The following DAG1 variants were observed in gnomAD, a reference collection of about 807,000 sequenced individuals.
The protein encoded by DAG1 is dystroglycan 1.
In DAG1, 8 loss-of-function variants were observed where a neutral mutation model predicts 46.1. The observed-to-expected ratio is 0.17, with a 90% CI of 0.10 to 0.31. DAG1 has a LOEUF of 0.31. Ranked by LOEUF, DAG1 falls within the 10% of genes least tolerant of loss-of-function variation. The probability of loss-of-function intolerance (pLI) is 1.00; values close to 1 mark genes in which losing one functional copy is unlikely to be tolerated. For synonymous variants in DAG1, 495 were observed against 481.8 expected (o/e 1.03, Z -0.36); for missense variants, 1,003 against 1,189.9 (o/e 0.84, Z 2.31).
At chr3:49,529,017 A>T (rs898941615) in intron 2 of DAG1, among the ~76,000 whole-genome samples, 4 of 151,776 alleles carry the variant, frequency 2.6e-5, no homozygotes, top group Non-Finnish European at 4.4e-5. Context: ...CATCCGACTA[A>T]TTTTTGTACT....
intron 1 of DAG1, among the ~76,000 whole-genome samples, chr3:49,485,601 C>T (rs956007408): frequency 6.7e-6 from 1 of 150,248 alleles, no homozygotes; most frequent in African/African-American, 2.5e-5. Flanking sequence ...ATCTTTATGT[C>T]TACTTAGGTT....
chr3:49,471,004 C>T (rs2049504166), intron 1 of DAG1: 1 of 152,258 alleles, frequency 6.6e-6, no homozygotes, highest in Non-Finnish European at 1.5e-5. Context: ...AGTGTCTCCA[C>T]AGAAAATGTC....
intron 1 of DAG1, among the ~76,000 whole-genome samples, chr3:49,478,267 C>T: frequency 8.9e-6 from 1 of 111,946 alleles, no homozygotes; most frequent in African/African-American, 3.3e-5. Flanking sequence ...GAGTGAGACT[C>T]TGTCTCAAAA....
chr3:49,486,477 T>C (rs6414618), intron 1 of DAG1, among the ~76,000 whole-genome samples: 148,186 of 151,846 alleles, frequency 0.98, 72,418 homozygotes, highest in Middle Eastern at 1. Context: ...CTCAGTATCC[T>C]GAAGTGCTGG....
At chr3:49,511,501 GA>G (rs2050761030) in intron 2 of DAG1, among the ~76,000 whole-genome samples, 1 of 152,148 alleles carries the variant, frequency 6.6e-6, no homozygotes, top group African/African-American at 2.4e-5. Flanking sequence ...AGGTGGGTGG[GA>G]TGTACCCCTC....
At chr3:49,478,530 T>TG (rs1315013364) in intron 1 of DAG1, among the ~76,000 whole-genome samples, 1 of 122,672 alleles carries the variant, frequency 8.2e-6, no homozygotes, top group Non-Finnish European at 1.8e-5. Flanking sequence ...CCCAAGAGTT[T>TG]TTTTTTTTTT....
chr3:49,486,440 G>A (rs879627572), intron 1 of DAG1, among the ~76,000 whole-genome samples: 11 of 151,624 alleles, frequency 7.3e-5, no homozygotes, highest in Non-Finnish European at 1.5e-4. Flanking sequence ...GGATGGTCTC[G>A]ATCTCCTGAC....
At position 49,533,363 on chromosome 3, in the gene DAG1, C is replaced by A; in HGVS notation, c.*164C>A. 9.8e-7 allele frequency: 1 copy of A among 1,021,772 alleles called. No individual in the cohort carries two copies. Among genetic ancestry groups the A allele is most frequent in the Non-Finnish European group, 1.5e-6 (1 of 677,326 alleles). The allele number at this position is 1,021,772 out of a possible 1,614,324, so 63.3% of individuals were successfully genotyped here. On this transcript the variant is annotated 3_prime_UTR_variant, in exon 3 of 3. Coordinates refer to ENST00000308775, the MANE Select transcript of DAG1 (RefSeq NM_004393.6). ...GGACAAGCCCGCCCTCTCTGGTCCT[C>A]CCAAACCCCAAAGCAGCTGGAGAGA...
At chr3:49,507,869 A>G (rs780020956) in intron 1 of DAG1, among the ~76,000 whole-genome samples, 3 of 152,062 alleles carry the variant, frequency 2.0e-5, no homozygotes, top group Non-Finnish European at 4.4e-5. Context: ...TAGAAATTAT[A>G]TCATATTGGA....
chr3:49,522,545 T>A (rs2051061305), intron 2 of DAG1, among the ~76,000 whole-genome samples: 2 of 144,980 alleles, frequency 1.4e-5, no homozygotes, highest in African/African-American at 2.6e-5. Flanking sequence ...CCTCAAGTGA[T>A]CCTCCCGCCT....
intron 1 of DAG1, among the ~76,000 whole-genome samples, chr3:49,473,656 C>A (rs1043646117): frequency 4.6e-5 from 7 of 151,118 alleles, no homozygotes; most frequent in African/African-American, 1.7e-4. Context: ...GATCTTGGCT[C>A]ACTGCAACCT....
chr3:49,504,280 C>G (rs2050536864), intron 1 of DAG1, among the ~76,000 whole-genome samples: 1 of 149,058 alleles, frequency 6.7e-6, no homozygotes, highest in African/African-American at 2.5e-5. Context: ...TTTTTTTTCA[C>G]TTAGCAAGAT....
At chr3:49,510,102 TCTGA>T (rs1295358480) in intron 1 of DAG1, 14 of 331,072 alleles carry the variant, frequency 4.2e-5, no homozygotes, top group Admixed American at 4.0e-4. Flanking sequence ...ATTGAATGTA[TCTGA>T]CTGTATTCAA....
chr3:49,475,089 G>A (rs2049641487), intron 1 of DAG1, among the ~76,000 whole-genome samples: 1 of 151,774 alleles, frequency 6.6e-6, no homozygotes, highest in African/African-American at 2.4e-5. Context: ...TGGGATTACA[G>A]ACGTGAGCCA....
rs963231753 is a variant in DAG1 at position 49,488,862 on chromosome 3, C to A, written c.-117+18429C>A. On this transcript the variant is annotated intron_variant, in intron 1 of 2. Coordinates refer to ENST00000308775, the MANE Select transcript of DAG1 (RefSeq NM_004393.6). The stretch of plus-strand genomic sequence containing the variant: ...TATGATCTGCTTGCCAGGTGTGAGC[C>A]ACTGCGCCCGGCAAAAAAGGAACAG... 4.6e-5 allele frequency: 7 copies of A among 152,026 alleles called. No homozygotes were observed. In the East Asian group the frequency reaches 1.4e-3, roughly 29 times the overall value. 9.4% of individuals were successfully genotyped at this position (152,026 alleles called of 1,614,324 possible). A position where few individuals can be genotyped will look rare whatever the true frequency, so the allele number is the denominator to read the frequency against.
At chr3:49,479,747 C>T (rs1296069631) in intron 1 of DAG1, among the ~76,000 whole-genome samples, 1 of 143,794 alleles carries the variant, frequency 7.0e-6, no homozygotes, top group Non-Finnish European at 1.5e-5. Flanking sequence ...AATTGATTCT[C>T]CTGCCTCAGC....
intron 1 of DAG1, among the ~76,000 whole-genome samples, chr3:49,490,067 A>G (rs910305488): frequency 8.6e-5 from 13 of 151,802 alleles, no homozygotes; most frequent in Non-Finnish European, 1.6e-4. Flanking sequence ...GTTTTTTTCC[A>G]TTTTGGCTGG....
chr3:49,508,467 C>T (rs1354441512), intron 1 of DAG1, among the ~76,000 whole-genome samples: 1 of 152,084 alleles, frequency 6.6e-6, no homozygotes, highest in African/African-American at 2.4e-5. Context: ...GGTGCAGTCT[C>T]CGCTCACTGC....
chr3:49,509,226 A>C (rs1176265696), intron 1 of DAG1, among the ~76,000 whole-genome samples: 1 of 152,158 alleles, frequency 6.6e-6, no homozygotes, highest in Non-Finnish European at 1.5e-5. Context: ...TGAGGCCAAG[A>C]GTTTGAGGCC....
Sources: gnomAD v4.1 joint callset for allele counts (sites outside exome capture counted in the v4.1 genomes callset) on GRCh38, gnomAD v4.1.1 for gene constraint, MANE v1.5 for transcripts, NCBI Gene and HGNC (gene_info 2026-07-23, HGNC 2026-07-21) for gene names.